Variants in TAF4B observed in about 807,000 individuals in gnomAD.
TAF4B encodes transcription initiation factor TFIID subunit 4B.
A neutral mutation model predicts 86.4 loss-of-function variants in TAF4B; 38 were observed. That is an observed-to-expected ratio of 0.44 (90% confidence interval 0.34 to 0.58). The LOEUF (loss-of-function observed/expected upper bound fraction) is 0.58, where lower values mean the gene tolerates loss of function less well. Among genes scored for constraint, TAF4B ranks in the 20% least tolerant of loss-of-function variants. TAF4B has a pLI of 0.02. For synonymous variants in TAF4B, 388 were observed against 391.2 expected (o/e 0.99, Z 0.10); for missense variants, 988 against 1,027.6 (o/e 0.96, Z 0.53).
chr18:26,231,794 G>A (rs147445153), intron 1 of TAF4B, among the ~76,000 whole-genome samples: 12 of 152,202 alleles, frequency 7.9e-5, no homozygotes, highest in Non-Finnish European at 1.3e-4. Flanking sequence ...AAGAGTGAGC[G>A]GTAGCAAGGT....
intron 1 of TAF4B, among the ~76,000 whole-genome samples, chr18:26,232,223 C>G (rs2055682686): frequency 6.6e-6 from 1 of 152,106 alleles, no homozygotes; most frequent in African/African-American, 2.4e-5. Context: ...TCAATCTCCC[C>G]CCACCCCCGT....
intron 1 of TAF4B, among the ~76,000 whole-genome samples, chr18:26,261,561 A>G (rs148375478): frequency 1.6e-3 from 248 of 152,260 alleles, no homozygotes; most frequent in African/African-American, 5.3e-3. Flanking sequence ...CTGTCTGCTT[A>G]TGCTGGTATC....
chr18:26,251,930 C>T (rs1372318667), intron 1 of TAF4B, among the ~76,000 whole-genome samples: 1 of 152,134 alleles, frequency 6.6e-6, no homozygotes, highest in Non-Finnish European at 1.5e-5. Context: ...CTAATATTGC[C>T]TCCTACTGAT....
intron 9 of TAF4B, among the ~76,000 whole-genome samples, chr18:26,304,249 T>C (rs1269384356): frequency 6.7e-6 from 1 of 150,092 alleles, no homozygotes; most frequent in Non-Finnish European, 1.5e-5. Context: ...CATTTAAAGA[T>C]AAACATGCAA....
rs1555677475 is a variant in TAF4B at position 26,285,210 on chromosome 18, C to CTTTTTTTTTTTGTTTTTTTTTTTTGT, written c.973-648_973-647insGTTTTTTTTTTTTGTTTTTTTTTTTT. Among the ~76,000 whole-genome samples the CTTTTTTTTTTTGTTTTTTTTTTTTGT allele has an allele frequency of 4.7e-4, 20 of 42,542 alleles. 4 individuals are homozygous for CTTTTTTTTTTTGTTTTTTTTTTTTGT. The highest frequency in any genetic ancestry group is 1.9e-3 in the East Asian group (2 of 1,036). The allele number at this position is 42,542 out of a possible 152,430, so 27.9% of individuals were successfully genotyped here. A position where few individuals can be genotyped will look rare whatever the true frequency, so the allele number is the denominator to read the frequency against. On this transcript the variant is annotated intron_variant, in intron 6 of 14. Coordinates refer to ENST00000269142, the MANE Select transcript of TAF4B (RefSeq NM_005640.3). The stretch of plus-strand genomic sequence containing the variant: ...CTTTTAAAGACTATTTCTTCCTTTC[C>CTTTTTTTTTTTGTTTTTTTTTTTTGT]TTTTTTTTTTTGTTTTTTTTTTTTT...
chr18:26,263,242 C>A (rs2056194908), intron 1 of TAF4B, among the ~76,000 whole-genome samples: 1 of 152,152 alleles, frequency 6.6e-6, no homozygotes, highest in African/African-American at 2.4e-5. Context: ...GCGTGAGCCA[C>A]CATGCCTGGC....
intron 2 of TAF4B, 123 bp downstream of exon 2, chr18:26,265,438 T>C: frequency 8.7e-7 from 1 of 1,155,098 alleles, no homozygotes; most frequent in African/African-American, 1.6e-5. Context: ...GCTTTTTAGG[T>C]CAGCTTGCCT....
intron 9 of TAF4B, among the ~76,000 whole-genome samples, chr18:26,309,176 G>A (rs2056827640): frequency 6.8e-6 from 1 of 147,086 alleles, no homozygotes; most frequent in Non-Finnish European, 1.5e-5. Context: ...ATATAGACCA[G>A]CATTTGACAG....
intron 14 of TAF4B, among the ~76,000 whole-genome samples, chr18:26,373,835 C>T (rs1276902038): frequency 2.0e-5 from 3 of 152,140 alleles, no homozygotes; most frequent in African/African-American, 7.2e-5. Context: ...ATGGCTAGGT[C>T]TCAGCTTGCT....
chr18:26,275,101 C>G (rs984539853), intron 5 of TAF4B, 48 bp downstream of exon 5: 3 of 1,530,194 alleles, frequency 2.0e-6, no homozygotes, highest in Admixed American at 2.2e-5. Flanking sequence ...ATCCATATAA[C>G]ATGTTGTAAT....
chr18:26,320,988 G>A (rs940263731), intron 10 of TAF4B, 82 bp from the exon 11 acceptor site: 2 of 1,545,396 alleles, frequency 1.3e-6, no homozygotes, highest in Non-Finnish European at 1.8e-6. Context: ...GACTTCCAGG[G>A]GGAACAGAAT....
At chr18:26,234,391 G>T (rs2144433651) in intron 1 of TAF4B, among the ~76,000 whole-genome samples, 1 of 152,320 alleles carries the variant, frequency 6.6e-6, no homozygotes, top group African/African-American at 2.4e-5. Context: ...TTCTCCCAGA[G>T]GTTGGGAACT....
chr18:26,352,351 C>G (rs2057252577), intron 13 of TAF4B, among the ~76,000 whole-genome samples: 1 of 151,438 alleles, frequency 6.6e-6, no homozygotes, highest in South Asian at 2.1e-4. Flanking sequence ...GAAGAAAGGC[C>G]TCAAATCAAT....
At chr18:26,355,247 A>G (rs1028307821) in intron 13 of TAF4B, among the ~76,000 whole-genome samples, 6 of 152,184 alleles carry the variant, frequency 3.9e-5, no homozygotes, top group African/African-American at 1.4e-4. Context: ...AATATTGCTA[A>G]ACTCACTTAT....
rs923787866 is a variant in TAF4B at position 26,285,780 on chromosome 18, C to G, written c.973-102C>G. The G allele has an allele frequency of 1.2e-5, 17 of 1,375,240 alleles. No individual in the cohort carries two copies. The African/African-American group carries it at 2.0e-4, about 16-fold the overall frequency. 85.2% of individuals were successfully genotyped at this position (1,375,240 alleles called of 1,614,324 possible). On this transcript the variant is annotated intron_variant, in intron 6 of 14. Coordinates refer to ENST00000269142, the MANE Select transcript of TAF4B (RefSeq NM_005640.3). ...GTCTTCAACTGAAATACTTGATACACTTTTGATTGGTTTTAAGTTGTAAAG... is the reference window on the plus strand; with the variant it reads ...GTCTTCAACTGAAATACTTGATACAGTTTTGATTGGTTTTAAGTTGTAAAG...
chr18:26,249,227 C>G (rs967310217), intron 1 of TAF4B, among the ~76,000 whole-genome samples: 1 of 151,814 alleles, frequency 6.6e-6, no homozygotes, highest in Non-Finnish European at 1.5e-5. Flanking sequence ...GCCTGTAATC[C>G]CACCACTTTG....
In TAF4B at chr18:26,391,320, G is replaced by A. The variant is rs1458321427; in HGVS notation, c.*1308G>A. The A allele has an allele frequency of 6.7e-6, 1 of 150,134 alleles. No individual in the cohort carries two copies. Among genetic ancestry groups the A allele is most frequent in the African/African-American group, 2.4e-5 (1 of 40,826 alleles). 9.3% of individuals were successfully genotyped at this position (150,134 alleles called of 1,614,324 possible). A position where few individuals can be genotyped will look rare whatever the true frequency, so the allele number is the denominator to read the frequency against. ...AAAAATGATTGAATCCTCCAAGAAG[G>A]TATTTCAAAAATGGGAAATGCTATA... On this transcript the variant is annotated 3_prime_UTR_variant, in exon 15 of 15. Transcript: ENST00000269142.
intron 14 of TAF4B, among the ~76,000 whole-genome samples, chr18:26,375,620 C>T (rs1341193455): frequency 6.6e-6 from 1 of 152,112 alleles, no homozygotes; most frequent in Non-Finnish European, 1.5e-5. Context: ...GAAGTAGTAT[C>T]TCATTGTGGT....
chr18:26,351,680 G>A (rs193142789), intron 13 of TAF4B, among the ~76,000 whole-genome samples: 5 of 152,062 alleles, frequency 3.3e-5, no homozygotes. Context: ...TTAAACACCA[G>A]CAACAAACAG....
Sources: allele counts gnomAD v4.1 joint callset (sites outside exome capture counted in the v4.1 genomes callset), GRCh38; gene constraint gnomAD v4.1.1; transcripts MANE v1.5; gene names NCBI Gene and HGNC (gene_info 2026-07-23, HGNC 2026-07-21).